TRAF2: variants seen among roughly 807,000 people sequenced by gnomAD.
TRAF2 encodes TNF receptor associated factor 2, also known as TNF receptor-associated factor 2.
In TRAF2, 6 loss-of-function variants were observed where a neutral mutation model predicts 55.6. That is an observed-to-expected ratio of 0.11 (90% confidence interval 0.06 to 0.21). The LOEUF is 0.21. Among genes scored for constraint, TRAF2 ranks in the 10% least tolerant of loss-of-function variants. The probability of loss-of-function intolerance (pLI) is 1.00; values close to 1 mark genes in which losing one functional copy is unlikely to be tolerated. For missense variants in TRAF2, 561 were observed against 684.5 expected, an observed-to-expected ratio of 0.82 and a Z score of 2.01; for synonymous variants, 329 against 276.3, an observed-to-expected ratio of 1.19 and a Z score of -1.89.
intron 1 of TRAF2, among the ~76,000 whole-genome samples, chr9:136,896,405 A>ATG (rs1849680805): frequency 6.6e-6 from 1 of 152,024 alleles, no homozygotes; most frequent in Non-Finnish European, 1.5e-5. Context: ...GGCTGTGGAG[A>ATG]CGCATGGGTC....
chr9:136,923,758 G>A, intron 9 of TRAF2, 94 bp from the exon 10 acceptor site: 3 of 1,359,936 alleles, frequency 2.2e-6, no homozygotes, highest in South Asian at 1.3e-5. Flanking sequence ...CTTTGTAGGT[G>A]TTTTTGTCCC....
intron 1 of TRAF2, among the ~76,000 whole-genome samples, chr9:136,886,995 A>G (rs993893567): frequency 2.6e-5 from 4 of 152,228 alleles, no homozygotes; most frequent in African/African-American, 7.2e-5. Flanking sequence ...CGGGAGGGTC[A>G]GGGGCGCCTC....
intron 1 of TRAF2, 34 bp downstream of exon 1, chr9:136,886,575 G>A (rs1238923794): frequency 1.0e-6 from 1 of 982,274 alleles, no homozygotes; most frequent in African/African-American, 1.8e-5. Context: ...GCGGGGTCGG[G>A]CGCGGGCGCG....
Position 136,909,993 on chromosome 9 carries a change from A to G in TRAF2, c.602A>G (p.Lys201Arg), listed in dbSNP as rs537788206. The G allele has an allele frequency of 6.2e-7, 1 of 1,609,526 alleles. No individual in the cohort carries two copies. The highest frequency in any genetic ancestry group is 1.7e-5 in the Admixed American group (1 of 59,822). The change falls in exon 6 of 11, where the codon AAG becomes AGG. Residue 201 changes from lysine to arginine, a missense_variant and splice_region_variant. Lys to Arg is a conservative substitution (Grantham distance 26). Coordinates refer to ENST00000247668, the MANE Select transcript of TRAF2 (RefSeq NM_021138.4). ...GGCAAGAAGAAGATCCCCCGGGAGA[A>G]GGTGAGTGTCCTTCACCTCCTTGGA... ...GCGKKKIPREKFQDHVKTCGK... is the reference protein window; with the variant it reads ...GCGKKKIPRERFQDHVKTCGK...
intron 1 of TRAF2, chr9:136,889,873 C>CA (rs1182077673): frequency 1.3e-5 from 2 of 152,206 alleles, no homozygotes; most frequent in Non-Finnish European, 2.9e-5. Context: ...GTCATCCCCG[C>CA]ATGCTCATTC....
Position 136,902,787 on chromosome 9 carries a change from T to G in TRAF2, c.366+2267T>G, listed in dbSNP as rs7873589. Among the ~76,000 whole-genome samples the G allele has an allele frequency of 3.6e-3, 549 of 152,318 alleles. 4 individuals are homozygous for G. Among genetic ancestry groups the G allele is most frequent in the African/African-American group, 0.013 (524 of 41,564 alleles). ...TCTGCCCCTCGGAGCCGCCTCTCTTTGCTCTCCGGGTGCTCGGAGTGTGCT... is the reference window on the plus strand; with the variant it reads ...TCTGCCCCTCGGAGCCGCCTCTCTTGGCTCTCCGGGTGCTCGGAGTGTGCT... On this transcript the variant is annotated intron_variant, in intron 4 of 10. Coordinates refer to ENST00000247668, the MANE Select transcript of TRAF2 (RefSeq NM_021138.4).
In TRAF2 at chr9:136,910,009, C is replaced by T. The variant is rs201704495; in HGVS notation, c.603+15C>T. Reference sequence around the variant, plus strand: ...CCCGGGAGAAGGTGAGTGTCCTTCACCTCCTTGGAGGACCGCAGGGCGGGG... The same window carrying T: ...CCCGGGAGAAGGTGAGTGTCCTTCATCTCCTTGGAGGACCGCAGGGCGGGG... On this transcript the variant is annotated intron_variant, in intron 6 of 10. Transcript: ENST00000247668. 5.6e-6 allele frequency: 9 copies of T among 1,612,518 alleles called. No homozygotes were observed. Among genetic ancestry groups the T allele is most frequent in the Non-Finnish European group, 7.6e-6 (9 of 1,179,270 alleles).
intron 4 of TRAF2, 105 bp from the exon 5 acceptor site, chr9:136,907,965 G>A: frequency 2.1e-6 from 3 of 1,442,084 alleles, no homozygotes; most frequent in Non-Finnish European, 2.8e-6. Flanking sequence ...GGACCAGCAT[G>A]CGGACACCAA....
intron 4 of TRAF2, among the ~76,000 whole-genome samples, chr9:136,907,436 G>T (rs755685676): frequency 1.3e-5 from 2 of 152,230 alleles, no homozygotes; most frequent in Non-Finnish European, 2.9e-5. Context: ...ACTGGCCCTC[G>T]CCTGTCTTCC....
chr9:136,905,123 G>C (rs1849915840), intron 4 of TRAF2, among the ~76,000 whole-genome samples: 1 of 152,236 alleles, frequency 6.6e-6, no homozygotes, highest in Non-Finnish European at 1.5e-5. Flanking sequence ...AACCTTTCCT[G>C]AGTCACTTGG....
Position 136,923,994 on chromosome 9 carries a change from C to G in TRAF2, c.1281C>G (p.Asn427Lys). 2 of 1,613,146 alleles carry G rather than the reference C, an allele frequency of 1.2e-6. No individual in the cohort carries two copies. Among genetic ancestry groups the G allele is most frequent in the South Asian group, 1.1e-5 (1 of 91,054 alleles). Reference protein sequence around the residue: ...PNDALLRWPFNQKVTLMLLDQ... With the variant: ...PNDALLRWPFKQKVTLMLLDQ... ...ACGCCCTGCTGCGGTGGCCCTTCAA[C>G]CAGAAGGTGAGGCCGTCCCTGCAGG... Residue 427 changes from asparagine (N) to lysine (K), a missense_variant, in exon 10 of 11, where the codon AAC becomes AAG. Physicochemically the swap from Asn to Lys is moderately conservative, Grantham distance 94. Around this residue, in one of 2 missense-constraint regions of TRAF2, gnomAD observed 135 missense variants for 207.7 expected, o/e 0.65. Coordinates refer to ENST00000247668, the MANE Select transcript of TRAF2 (RefSeq NM_021138.4).
At chr9:136,925,488 C>G (rs967537401) in intron 10 of TRAF2, among the ~76,000 whole-genome samples, 195 bp from the exon 11 acceptor site, 1 of 151,168 alleles carries the variant, frequency 6.6e-6, no homozygotes, top group African/African-American at 2.5e-5. Context: ...ATGCCGGTGG[C>G]TGGGGAGGGC....
upstream of TRAF2, among the ~76,000 whole-genome samples, chr9:136,883,160 A>G (rs557023025): frequency 6.6e-6 from 1 of 150,940 alleles, no homozygotes; most frequent in Admixed American, 6.6e-5. Context: ...GTGAGCCACC[A>G]TGCCCAGCCA....
At position 136,921,265 on chromosome 9, in the gene TRAF2, C is replaced by G. The variant is rs753382261; in HGVS notation, c.1138+50C>G. The G allele has an allele frequency of 2.2e-5, 35 of 1,606,164 alleles. No homozygotes were observed. In the Admixed American group the frequency reaches 3.5e-4, roughly 16 times the overall value. On this transcript the variant is annotated intron_variant, in intron 9 of 10. Transcript: ENST00000247668. Reference sequence around the variant, plus strand: ...ACTGCAGCTGCTGTTTACTTGGCACCTGGGTCCCCTCACCCCTGTGACCAC... The same window carrying G: ...ACTGCAGCTGCTGTTTACTTGGCACGTGGGTCCCCTCACCCCTGTGACCAC...
chr9:136,889,765 G>C (rs1362273303), intron 1 of TRAF2: 1 of 152,278 alleles, frequency 6.6e-6, no homozygotes, highest in African/African-American at 2.4e-5. Flanking sequence ...GTTGGTCACC[G>C]CATGTGTGAG....
intron 4 of TRAF2, among the ~76,000 whole-genome samples, chr9:136,903,488 T>C (rs1849869375): frequency 6.6e-6 from 1 of 151,942 alleles, no homozygotes; most frequent in South Asian, 2.1e-4. Context: ...GGATGACGAC[T>C]GTATTTGCGT....
intron 9 of TRAF2, 126 bp from the exon 10 acceptor site, chr9:136,923,726 G>T (rs2131336265): frequency 6.0e-6 from 5 of 839,462 alleles, no homozygotes; most frequent in South Asian, 5.0e-5. Flanking sequence ...ACTTTTCTTT[G>T]CACCCCAGAA....
chr9:136,898,567 C>T, intron 1 of TRAF2, 146 bp from the exon 2 acceptor site: 2 of 1,447,566 alleles, frequency 1.4e-6, no homozygotes, highest in South Asian at 1.4e-5. Flanking sequence ...CCCTGAAGCT[C>T]TGCGATTCTG....
At chr9:136,904,348 T>TG (rs939529388) in intron 4 of TRAF2, among the ~76,000 whole-genome samples, 17 of 151,976 alleles carry the variant, frequency 1.1e-4, no homozygotes, top group African/African-American at 4.1e-4. Flanking sequence ...GGATTACAGG[T>TG]GGGAACCCAC....
Sources: allele counts gnomAD v4.1 joint callset (sites outside exome capture counted in the v4.1 genomes callset), GRCh38; gene constraint gnomAD v4.1.1; regional missense constraint gnomAD v4.1.1; transcripts MANE v1.5; gene names NCBI Gene and HGNC (gene_info 2026-07-23, HGNC 2026-07-21).